The following MYBPC1 variants were observed in gnomAD, a reference collection of about 807,000 sequenced individuals.
The protein encoded by MYBPC1 is myosin binding protein C1, also known as myosin-binding protein C, slow-type.
MYBPC1 carries 52 observed loss-of-function variants against 147.1 expected under a neutral mutation model. The ratio of observed to expected loss-of-function variants is 0.35; its 90% CI spans 0.28 to 0.45. The LOEUF is 0.45. Ranked by LOEUF, MYBPC1 falls within the 20% of genes least tolerant of loss-of-function variation. MYBPC1 has a pLI of 1.00. For synonymous variants in MYBPC1, 477 were observed against 475.9 expected, an observed-to-expected ratio of 1.00 and a Z score of -0.03; for missense variants, 1,228 against 1,440.3, an observed-to-expected ratio of 0.85 and a Z score of 2.39.
At chr12:101,640,489 G>A (rs1309303111) in intron 10 of MYBPC1, among the ~76,000 whole-genome samples, 1 of 152,172 alleles carries the variant, frequency 6.6e-6, no homozygotes, top group Non-Finnish European at 1.5e-5. Flanking sequence ...GTTAATAAAG[G>A]ATGTAGCTGT....
At chr12:101,629,022 T>C (rs1450002890) in intron 5 of MYBPC1, 1 of 276,498 alleles carries the variant, frequency 3.6e-6, no homozygotes, top group Non-Finnish European at 7.1e-6. Context: ...GTTTAGTCTT[T>C]TTCAATGTAG....
intron 12 of MYBPC1, among the ~76,000 whole-genome samples, chr12:101,645,596 A>G (rs1256094616): frequency 6.6e-6 from 1 of 152,242 alleles, no homozygotes; most frequent in African/African-American, 2.4e-5. Context: ...CTTTGTGATG[A>G]TAACATTAAT....
intron 13 of MYBPC1, among the ~76,000 whole-genome samples, chr12:101,647,679 G>A (rs1437965939): frequency 6.6e-6 from 1 of 152,180 alleles, no homozygotes; most frequent in Non-Finnish European, 1.5e-5. Flanking sequence ...TTGAGATCAG[G>A]AGTTCAAGAC....
In MYBPC1 at chr12:101,607,596, AATG is replaced by A. The variant is rs200778494; in HGVS notation, c.26-6897_26-6895del. On this transcript the variant is annotated intron_variant, in intron 1 of 31. Coordinates refer to ENST00000361466, the MANE Select transcript of MYBPC1 (RefSeq NM_002465.4). ...AAACAGAACTAGAATCATAACATTT[AATG>A]ATAACTGTTATTGTGTCTTCTTCTG... is the stretch of plus-strand genomic sequence containing the variant. 4.3e-3 allele frequency among the ~76,000 whole-genome samples: 657 copies of A among 152,302 alleles called. 6 individuals carry two copies. The highest frequency in any genetic ancestry group is 0.015 in the African/African-American group (606 of 41,570).
chr12:101,598,541 G>T (rs903569794), intron 1 of MYBPC1, among the ~76,000 whole-genome samples: 1 of 151,940 alleles, frequency 6.6e-6, no homozygotes, highest in African/African-American at 2.4e-5. Flanking sequence ...AACATCCTGC[G>T]ACAACTGTTA....
chr12:101,595,196 A>G (rs554119161), intron 1 of MYBPC1, 101 bp downstream of exon 1: 1 of 1,061,816 alleles, frequency 9.4e-7, no homozygotes, highest in East Asian at 2.5e-5. Context: ...TAGATGAGAA[A>G]ATAAAATCAC....
chr12:101,677,212 G>A (rs202205490), intron 26 of MYBPC1, 23 bp from the exon 27 acceptor site: 3 of 1,606,810 alleles, frequency 1.9e-6, no homozygotes, highest in Non-Finnish European at 1.7e-6. Flanking sequence ...TTTTCCTCCA[G>A]TTATTATTTT....
chr12:101,663,280 A>G (rs956252570), intron 21 of MYBPC1, 146 bp from the exon 22 acceptor site: 13 of 759,060 alleles, frequency 1.7e-5, no homozygotes, highest in African/African-American at 1.0e-4. Flanking sequence ...ACACACATCC[A>G]TGCTCAAGGT....
At chr12:101,681,530 G>A (rs1165851805) in intron 29 of MYBPC1, among the ~76,000 whole-genome samples, 28 of 108,672 alleles carry the variant, frequency 2.6e-4, no homozygotes, top group African/African-American at 8.0e-4. Context: ...ATATGAGAGG[G>A]AAACTTCTTG....
At chr12:101,648,865 C>T (rs11110913) in intron 14 of MYBPC1, among the ~76,000 whole-genome samples, 21,357 of 152,118 alleles carry the variant, frequency 0.14, 1,737 homozygotes, top group Middle Eastern at 0.27. Context: ...CAGTAAATTA[C>T]ACAGCAGGAT....
intron 27 of MYBPC1, 28 bp downstream of exon 27, chr12:101,677,422 A>G: frequency 3.1e-6 from 5 of 1,613,418 alleles, no homozygotes; most frequent in Non-Finnish European, 4.2e-6. Flanking sequence ...TGACATTTGA[A>G]AACCTTGGTT....
At chr12:101,636,949 T>C (rs757747540) in intron 10 of MYBPC1, 9 of 412,054 alleles carry the variant, frequency 2.2e-5, no homozygotes, top group Non-Finnish European at 3.4e-5. Context: ...TTTTTAAATG[T>C]TTCATGACTC....
At chr12:101,614,432 G>A in intron 1 of MYBPC1, 64 bp from the exon 2 acceptor site, 1 of 1,590,808 alleles carries the variant, frequency 6.3e-7, no homozygotes, top group South Asian at 1.1e-5. Flanking sequence ...GCCTGGGGCT[G>A]TAGAAAGCAG....
intron 3 of MYBPC1, among the ~76,000 whole-genome samples, chr12:101,624,355 A>G (rs1888072178): frequency 6.6e-6 from 1 of 152,208 alleles, no homozygotes; most frequent in South Asian, 2.1e-4. Context: ...ATATAAAAAC[A>G]TACTATTTTA....
chr12:101,688,592 A>G (rs1951380536), downstream of MYBPC1, among the ~76,000 whole-genome samples: 1 of 145,460 alleles, frequency 6.9e-6, no homozygotes, highest in South Asian at 2.2e-4. Flanking sequence ...AGCACTATTC[A>G]GCTCAACAAA....
At chr12:101,686,867 G>T (rs1044973826), downstream of MYBPC1, among the ~76,000 whole-genome samples, 2 of 152,120 alleles carry the variant, frequency 1.3e-5, no homozygotes, top group Non-Finnish European at 2.9e-5. Flanking sequence ...ACAAAAGAAA[G>T]TCTAGTTTAT....
intron 16 of MYBPC1, 148 bp from the exon 17 acceptor site, chr12:101,652,529 TC>T: frequency 1.8e-6 from 1 of 559,588 alleles, no homozygotes. Context: ...TCTCATCCTC[TC>T]TCTCTCTCTC....
At chr12:101,668,030 C>A in intron 23 of MYBPC1, 131 bp downstream of exon 23, 1 of 532,666 alleles carries the variant, frequency 1.9e-6, no homozygotes, top group Non-Finnish European at 2.9e-6. Context: ...TGCTTTAATG[C>A]TTCCTAAGAG....
chr12:101,631,884 G>C, intron 7 of MYBPC1, 137 bp from the exon 8 acceptor site: 1 of 1,295,586 alleles, frequency 7.7e-7, no homozygotes, highest in South Asian at 1.2e-5. Flanking sequence ...CTGTGTCCGG[G>C]GGCTACAGGA....
Sources: gnomAD v4.1 joint callset for allele counts (sites outside exome capture counted in the v4.1 genomes callset) on GRCh38, gnomAD v4.1.1 for gene constraint, MANE v1.5 for transcripts, NCBI Gene and HGNC (gene_info 2026-07-23, HGNC 2026-07-21) for gene names.